Variants in FSIP1 observed in about 807,000 individuals in gnomAD.
FSIP1 encodes the protein fibrous sheath-interacting protein 1.
In FSIP1, 65 loss-of-function variants were observed where a neutral mutation model predicts 60.9. The observed-to-expected ratio is 1.07, with a 90% CI of 0.87 to 1.31. The LOEUF (loss-of-function observed/expected upper bound fraction) is 1.31. Ranked by LOEUF, FSIP1 falls within the 40% of genes most tolerant of loss-of-function variation. The probability of loss-of-function intolerance (pLI) is 0.00; values close to 1 mark genes in which losing one functional copy is unlikely to be tolerated. For synonymous variants in FSIP1, 209 were observed against 221.2 expected, an observed-to-expected ratio of 0.94 and a Z score of 0.49; for missense variants, 675 against 665.5, an observed-to-expected ratio of 1.01 and a Z score of -0.16.
intron 11 of FSIP1, among the ~76,000 whole-genome samples, chr15:39,610,448 G>A (rs182723876): frequency 2.0e-5 from 3 of 152,276 alleles, no homozygotes; most frequent in East Asian, 3.9e-4. Flanking sequence ...TTGGGAGGTC[G>A]AGGCGGGCAG....
intron 10 of FSIP1, among the ~76,000 whole-genome samples, chr15:39,704,665 C>T (rs555548853): frequency 6.6e-6 from 1 of 152,292 alleles, no homozygotes; most frequent in Admixed American, 6.5e-5. Flanking sequence ...CTCCAAGCCC[C>T]TTTAGCTGTC....
intron 2 of FSIP1, among the ~76,000 whole-genome samples, chr15:39,774,020 CT>C (rs1250435957): frequency 6.6e-6 from 1 of 151,998 alleles, no homozygotes; most frequent in South Asian, 2.1e-4. Context: ...TTGTATGTGA[CT>C]TTTTTTAACT....
At chr15:39,712,796 T>C (rs1895576146) in intron 10 of FSIP1, among the ~76,000 whole-genome samples, 1 of 152,178 alleles carries the variant, frequency 6.6e-6, no homozygotes, top group Non-Finnish European at 1.5e-5. Flanking sequence ...TCATCAGGAA[T>C]GACATGTCTT....
chr15:39,617,802 A>G lies in FSIP1; in HGVS notation c.1632T>C (p.Gly544=). The G allele has an allele frequency of 3.7e-6, 6 of 1,613,780 alleles. No homozygotes were observed. The highest frequency in any genetic ancestry group is 4.2e-6 in the Non-Finnish European group (5 of 1,179,686). ...RPSFLDDPLY[G]ISVSLSSEDQ... ...CTTCTGATGAAAGGCTCACACTGAT[A>G]CCATACAGTGGATCATCTAAGAAGG... is the stretch of plus-strand genomic sequence containing the variant. Residue 544 remains glycine (G), a synonymous_variant, in exon 11 of 12, where the codon GGT becomes GGC. Transcript: ENST00000350221.
At chr15:39,713,769 A>G (rs1895625803) in intron 9 of FSIP1, among the ~76,000 whole-genome samples, 188 bp from the exon 10 acceptor site, 1 of 152,230 alleles carries the variant, frequency 6.6e-6, no homozygotes, top group Admixed American at 6.5e-5. Flanking sequence ...TGTACATATA[A>G]CAAGTAGGAA....
chr15:39,657,795 AATT>A (rs1415051581), intron 10 of FSIP1, among the ~76,000 whole-genome samples: 1 of 152,200 alleles, frequency 6.6e-6, no homozygotes, highest in African/African-American at 2.4e-5. Context: ...ATTAATAAAA[AATT>A]ATAGCCCGCA....
At chr15:39,697,208 G>A (rs547838341) in intron 10 of FSIP1, among the ~76,000 whole-genome samples, 2 of 152,026 alleles carry the variant, frequency 1.3e-5, no homozygotes, top group Non-Finnish European at 2.9e-5. Context: ...TTGGGTACAA[G>A]AGAACCTTTC....
At chr15:39,637,388 A>C (rs995791341) in intron 10 of FSIP1, among the ~76,000 whole-genome samples, 1 of 152,240 alleles carries the variant, frequency 6.6e-6, no homozygotes, top group Non-Finnish European at 1.5e-5. Context: ...ATCAGGAACA[A>C]CAGTAGGCTA....
chr15:39,626,095 T>C (rs1056550419), intron 10 of FSIP1, among the ~76,000 whole-genome samples: 1 of 152,178 alleles, frequency 6.6e-6, no homozygotes, highest in Non-Finnish European at 1.5e-5. Context: ...TGGATCCAGA[T>C]TAAACCTCAC....
chr15:39,769,607 T>C (rs1390372101), intron 3 of FSIP1, among the ~76,000 whole-genome samples: 1 of 152,206 alleles, frequency 6.6e-6, no homozygotes, highest in Non-Finnish European at 1.5e-5. Flanking sequence ...ACAGCATAAT[T>C]GCTTTATGTA....
chr15:39,632,092 C>T (rs1489436840), intron 10 of FSIP1, among the ~76,000 whole-genome samples: 1 of 152,084 alleles, frequency 6.6e-6, no homozygotes, highest in Non-Finnish European at 1.5e-5. Context: ...TGGTGGTTGT[C>T]GGAAACATCA....
chr15:39,761,155 G>A (rs2140696475), intron 5 of FSIP1, among the ~76,000 whole-genome samples: 1 of 152,264 alleles, frequency 6.6e-6, no homozygotes, highest in Middle Eastern at 3.4e-3. Context: ...TTATGGAAAA[G>A]TGTATGGAGG....
intron 11 of FSIP1, among the ~76,000 whole-genome samples, chr15:39,614,015 GC>G (rs1173914889): frequency 6.6e-6 from 1 of 152,068 alleles, no homozygotes; most frequent in African/African-American, 2.4e-5. Context: ...AAAGTAGAAA[GC>G]TTTTCCACAA....
At chr15:39,721,903 A>G (rs4572354) in intron 9 of FSIP1, among the ~76,000 whole-genome samples, 62,260 of 152,104 alleles carry the variant, frequency 0.41, 15,678 homozygotes, top group African/African-American at 0.69. Context: ...AAAAAAAATC[A>G]TTAAACCCTT....
chr15:39,743,544 T>C (rs1896875828), intron 5 of FSIP1, among the ~76,000 whole-genome samples: 1 of 152,152 alleles, frequency 6.6e-6, no homozygotes, highest in African/African-American at 2.4e-5. Context: ...TTAGTAACCA[T>C]CATAACTGAC....
At position 39,776,465 on chromosome 15, in the gene FSIP1, T is replaced by C. The variant is rs963620412; in HGVS notation, c.60A>G (p.Ile20Met). 3.1e-6 allele frequency: 5 copies of C among 1,613,294 alleles called. No homozygotes were observed. Among genetic ancestry groups the C allele is most frequent in the Non-Finnish European group, 4.2e-6 (5 of 1,179,354 alleles). The part of the protein sequence containing the change: ...GISKPASNSR[I>M]RPGSRSSNAS... Reference sequence around the variant, plus strand: ...CATTTGAACTTCTGCTCCCAGGGCGTATTCTTGAATTTGAAGCTGGTTTTG... The same window carrying C: ...CATTTGAACTTCTGCTCCCAGGGCGCATTCTTGAATTTGAAGCTGGTTTTG... Residue 20 changes from isoleucine to methionine, a missense_variant, in exon 2 of 12, where the codon ATA becomes ATG. Ile to Met is a conservative substitution (Grantham distance 10). Coordinates refer to ENST00000350221, the MANE Select transcript of FSIP1 (RefSeq NM_152597.5).
intron 10 of FSIP1, among the ~76,000 whole-genome samples, chr15:39,708,683 G>A (rs1307492052): frequency 6.6e-6 from 1 of 152,010 alleles, no homozygotes; most frequent in African/African-American, 2.4e-5. Flanking sequence ...ATATGACCTG[G>A]TTTTACATCT....
chr15:39,698,749 G>T (rs1473818836), intron 10 of FSIP1, among the ~76,000 whole-genome samples: 1 of 152,138 alleles, frequency 6.6e-6, no homozygotes, highest in Non-Finnish European at 1.5e-5. Flanking sequence ...ACACACTAAA[G>T]TGCCACCACA....
At chr15:39,760,447 CA>C (rs1157567462) in intron 5 of FSIP1, among the ~76,000 whole-genome samples, 4 of 152,000 alleles carry the variant, frequency 2.6e-5, no homozygotes, top group African/African-American at 4.8e-5. Context: ...GAAACATTAC[CA>C]ATAATAATAT....
Sources: gnomAD v4.1 joint callset for allele counts (sites outside exome capture counted in the v4.1 genomes callset) on GRCh38, gnomAD v4.1.1 for gene constraint, MANE v1.5 for transcripts, NCBI Gene and HGNC (gene_info 2026-07-23, HGNC 2026-07-21) for gene names.